Variants in PDE6C observed in about 807,000 individuals in gnomAD.
PDE6C encodes cone cGMP-specific 3',5'-cyclic phosphodiesterase subunit alpha'.
In PDE6C, 75 loss-of-function variants were observed where a neutral mutation model predicts 113.1. The observed-to-expected ratio is 0.66, with a 90% CI of 0.55 to 0.80. The LOEUF (loss-of-function observed/expected upper bound fraction) is 0.80. Among genes scored for constraint, PDE6C ranks in the 30% least tolerant of loss-of-function variants. The probability of loss-of-function intolerance (pLI) is 0.00; values close to 1 mark genes in which losing one functional copy is unlikely to be tolerated. For missense variants in PDE6C, 912 were observed against 1,038.6 expected (o/e 0.88, Z 1.67); for synonymous variants, 375 against 363.7 (o/e 1.03, Z -0.35).
At chr10:93,638,478 T>C (rs1409378657) in intron 11 of PDE6C, among the ~76,000 whole-genome samples, 1 of 152,178 alleles carries the variant, frequency 6.6e-6, no homozygotes, top group Non-Finnish European at 1.5e-5. Context: ...AATAGGCATC[T>C]TCTTGGAAAA....
At chr10:93,616,723 G>A (rs7910799) in intron 1 of PDE6C, among the ~76,000 whole-genome samples, 5,288 of 141,224 alleles carry the variant, frequency 0.037, 305 homozygotes, top group African/African-American at 0.13. Flanking sequence ...GCTTGATCTC[G>A]GCTCACTGCA....
chr10:93,655,192 T>A (rs148345989), intron 15 of PDE6C, among the ~76,000 whole-genome samples: 1 of 152,258 alleles, frequency 6.6e-6, no homozygotes, highest in Non-Finnish European at 1.5e-5. Flanking sequence ...TGAAGAAAGG[T>A]CTAGTTAAGT....
intron 10 of PDE6C, among the ~76,000 whole-genome samples, chr10:93,636,281 G>A (rs1454147720): frequency 6.6e-6 from 1 of 151,822 alleles, no homozygotes; most frequent in East Asian, 1.9e-4. Flanking sequence ...GGAGCAAGTG[G>A]ATATTTGCTA....
chr10:93,641,365 G>C (rs568233461), intron 14 of PDE6C, among the ~76,000 whole-genome samples: 9 of 152,284 alleles, frequency 5.9e-5, no homozygotes, highest in Admixed American at 5.9e-4. Flanking sequence ...GGGCACAGTG[G>C]CTCGCACCTG....
intron 3 of PDE6C, 123 bp from the exon 4 acceptor site, chr10:93,621,809 T>C (rs2058447817): frequency 2.3e-6 from 2 of 877,916 alleles, no homozygotes; most frequent in African/African-American, 1.6e-5. Context: ...AAAATCAGAA[T>C]TGCACTTTCC....
intron 1 of PDE6C, among the ~76,000 whole-genome samples, chr10:93,617,874 T>G (rs2058427135): frequency 6.6e-6 from 1 of 152,182 alleles, no homozygotes; most frequent in African/African-American, 2.4e-5. Flanking sequence ...TAAATGAAGG[T>G]GATGTGATCT....
chr10:93,652,087 C>T (rs1316520420), intron 15 of PDE6C, among the ~76,000 whole-genome samples: 5 of 151,452 alleles, frequency 3.3e-5, no homozygotes, highest in Non-Finnish European at 7.4e-5. Flanking sequence ...GATGGAGCTT[C>T]GAAGAATACA....
At chr10:93,658,465 T>C (rs1421674295) in intron 16 of PDE6C, among the ~76,000 whole-genome samples, 1 of 152,074 alleles carries the variant, frequency 6.6e-6, no homozygotes. Context: ...TTTTCTCATA[T>C]GTAATTTTGT....
intron 21 of PDE6C, 102 bp from the exon 22 acceptor site, chr10:93,665,258 T>A (rs770334597): frequency 1.1e-4 from 95 of 893,546 alleles, no homozygotes; most frequent in Non-Finnish European, 1.6e-4. Context: ...TTAAAATGAC[T>A]AATTAGTCTA....
intron 11 of PDE6C, among the ~76,000 whole-genome samples, chr10:93,638,950 G>A (rs924695574): frequency 6.6e-6 from 1 of 152,212 alleles, no homozygotes; most frequent in Non-Finnish European, 1.5e-5. Flanking sequence ...TGTAAATAGA[G>A]CATGGCTGTC....
chr10:93,638,858 T>C (rs659145), intron 11 of PDE6C, among the ~76,000 whole-genome samples: 44,915 of 152,110 alleles, frequency 0.3, 6,816 homozygotes, highest in Admixed American at 0.37. Context: ...GTGTGAGGGG[T>C]CAGCCCAGGC....
intron 10 of PDE6C, among the ~76,000 whole-genome samples, chr10:93,636,608 C>T (rs2058532870): frequency 6.6e-6 from 1 of 151,188 alleles, no homozygotes; most frequent in Admixed American, 6.6e-5. Context: ...ACCCACACCT[C>T]TTTAAAAAAA....
At chr10:93,649,318 A>G (rs553673806) in intron 15 of PDE6C, among the ~76,000 whole-genome samples, 106 of 152,330 alleles carry the variant, frequency 7.0e-4, no homozygotes, top group African/African-American at 2.4e-3. Context: ...TTATACATGT[A>G]TTCAATGTTC....
At chr10:93,645,400 A>T (rs1167711779) in intron 14 of PDE6C, among the ~76,000 whole-genome samples, 1 of 152,178 alleles carries the variant, frequency 6.6e-6, no homozygotes, top group Non-Finnish European at 1.5e-5. Context: ...CTATATTTTC[A>T]TGAGAGTCTT....
chr10:93,637,336 G>C (rs936954330), intron 11 of PDE6C, among the ~76,000 whole-genome samples: 1 of 152,068 alleles, frequency 6.6e-6, no homozygotes, highest in African/African-American at 2.4e-5. Flanking sequence ...ACAGAATCTA[G>C]GGATATCAAG....
chr10:93,649,240 G>A (rs2058598522), intron 15 of PDE6C, among the ~76,000 whole-genome samples: 1 of 152,116 alleles, frequency 6.6e-6, no homozygotes, highest in Non-Finnish European at 1.5e-5. Flanking sequence ...CTCCTTTCTT[G>A]TCTAGTGCAC....
intron 1 of PDE6C, among the ~76,000 whole-genome samples, chr10:93,614,712 G>A (rs725888): frequency 0.049 from 7,460 of 152,260 alleles, 523 homozygotes; most frequent in East Asian, 0.33. Context: ...AGTTCTCTGT[G>A]GTGAGAAGGA....
intron 18 of PDE6C, among the ~76,000 whole-genome samples, chr10:93,660,385 C>T (rs1006591612): frequency 6.6e-6 from 1 of 152,136 alleles, no homozygotes; most frequent in African/African-American, 2.4e-5. Context: ...ATGATCTAAT[C>T]GTGAGGCAGC....
intron 11 of PDE6C, among the ~76,000 whole-genome samples, chr10:93,637,437 T>C (rs529356163): frequency 1.1e-4 from 17 of 152,250 alleles, no homozygotes; most frequent in Admixed American, 1.0e-3. Flanking sequence ...TTCTAGGCAC[T>C]GGCACCGCCT....
Sources: allele counts gnomAD v4.1 joint callset (sites outside exome capture counted in the v4.1 genomes callset), GRCh38; gene constraint gnomAD v4.1.1; transcripts MANE v1.5; gene names NCBI Gene and HGNC (gene_info 2026-07-23, HGNC 2026-07-21).